The following TNFRSF10B variants were observed in gnomAD, a reference collection of about 807,000 sequenced individuals.
TNFRSF10B encodes the protein TNF receptor superfamily member 10b.
Under a neutral mutation model 41.4 loss-of-function variants are expected in TNFRSF10B, and 35 were observed. That is an observed-to-expected ratio of 0.85 (90% CI 0.65 to 1.12). The LOEUF (loss-of-function observed/expected upper bound fraction) is 1.12, where lower values mean the gene tolerates loss of function less well. Ranked by LOEUF, TNFRSF10B falls within the 50% of genes most tolerant of loss-of-function variation. The probability of loss-of-function intolerance (pLI) is 0.00; values close to 1 mark genes in which losing one functional copy is unlikely to be tolerated. For synonymous variants in TNFRSF10B, 230 were observed against 215.5 expected (o/e 1.07, Z -0.59); for missense variants, 584 against 552.7 (o/e 1.06, Z -0.57).
chr8:23,065,171 G>A (rs917023050), intron 1 of TNFRSF10B, among the ~76,000 whole-genome samples: 4 of 152,118 alleles, frequency 2.6e-5, no homozygotes, highest in African/African-American at 9.7e-5. Context: ...CCCCAACCCA[G>A]GCACAGATTT....
chr8:23,027,890 G>C (rs1013374013), intron 5 of TNFRSF10B, 137 bp from the exon 6 acceptor site: 1 of 996,530 alleles, frequency 1.0e-6, no homozygotes, highest in Non-Finnish European at 1.5e-6. Flanking sequence ...ACAGAATGGG[G>C]CCTTACAACT....
At chr8:23,035,082 C>A (rs1811992105) in intron 2 of TNFRSF10B, among the ~76,000 whole-genome samples, 1 of 152,214 alleles carries the variant, frequency 6.6e-6, no homozygotes. Flanking sequence ...AATATACCCT[C>A]ACTATCCTGT....
At chr8:23,062,860 AAAT>A (rs1223356700) in intron 1 of TNFRSF10B, among the ~76,000 whole-genome samples, 2 of 152,246 alleles carry the variant, frequency 1.3e-5, no homozygotes, top group African/African-American at 4.8e-5. Flanking sequence ...AGGAGACTTG[AAAT>A]AATACAGATT....
At chr8:23,060,898 A>G (rs1029634434) in intron 1 of TNFRSF10B, among the ~76,000 whole-genome samples, 2 of 151,874 alleles carry the variant, frequency 1.3e-5, no homozygotes, top group Admixed American at 6.6e-5. Flanking sequence ...TTGTAAATGG[A>G]TTTTTTCCTA....
At position 23,068,909 on chromosome 8, in the gene TNFRSF10B, C is replaced by T. The variant is rs1353463783; in HGVS notation, c.-15G>A. On this transcript the variant is annotated 5_prime_UTR_variant, in exon 1 of 9. Transcript: ENST00000276431. ...CGTTGTTCCATGGCGGTAGGGAACG[C>T]TCTTATAGTCTCTCAGGCCCGTGGG... 1.9e-6 allele frequency: 3 copies of T among 1,613,326 alleles called. No homozygotes were observed. Among genetic ancestry groups the T allele is most frequent in the South Asian group, 2.2e-5 (2 of 91,088 alleles).
Position 23,055,381 on chromosome 8 carries a change from TGATA to T in TNFRSF10B, c.145-12142_145-12139del, listed in dbSNP as rs143471724. Reference sequence around the variant, plus strand: ...ACACCCCATCTCCCTACGATTCTCATGATAAATAAATACACAAGCATGATAGAAA... The same window carrying T: ...ACACCCCATCTCCCTACGATTCTCATAATAAATACACAAGCATGATAGAAA... On this transcript the variant is annotated intron_variant, in intron 1 of 8. Transcript: ENST00000276431. 5.7e-3 allele frequency among the ~76,000 whole-genome samples: 864 copies of T among 152,206 alleles called. 6 individuals carry two copies. The highest frequency in any genetic ancestry group is 0.018 in the African/African-American group (740 of 41,524).
rs778266094 is a variant in TNFRSF10B at position 23,022,713 on chromosome 8, C to G, written c.1281G>C (p.Lys427Asn). Reference sequence around the variant, plus strand: ...CTGCATTACCTTCTAGATACATGAACTTTCCAGAGCTCAACAAGTGGTCCT... The same window carrying G: ...CTGCATTACCTTCTAGATACATGAAGTTTCCAGAGCTCAACAAGTGGTCCT... ...KIEDHLLSSG[K>N]FMYLEGNADS... Residue 427 changes from lysine (K) to asparagine (N), a missense_variant, in exon 9 of 9, where the codon AAG becomes AAC. Coordinates refer to ENST00000276431, the MANE Select transcript of TNFRSF10B (RefSeq NM_003842.5). The G allele has an allele frequency of 1.2e-6, 2 of 1,614,066 alleles. No individual in the cohort carries two copies.
chr8:23,063,304 C>A (rs548351092), intron 1 of TNFRSF10B, among the ~76,000 whole-genome samples: 1 of 150,472 alleles, frequency 6.6e-6, no homozygotes, highest in African/African-American at 2.4e-5. Flanking sequence ...GCCGAGATTG[C>A]GCCATTGCAC....
chr8:23,061,895 C>A (rs961323419), intron 1 of TNFRSF10B, among the ~76,000 whole-genome samples: 7 of 152,182 alleles, frequency 4.6e-5, no homozygotes, highest in Non-Finnish European at 8.8e-5. Flanking sequence ...CCAACTTGGT[C>A]ATGGTGTATA....
chr8:23,025,878 C>T (rs1811688599), intron 7 of TNFRSF10B, among the ~76,000 whole-genome samples: 1 of 152,138 alleles, frequency 6.6e-6, no homozygotes, highest in Non-Finnish European at 1.5e-5. Flanking sequence ...GAGTTCGAGA[C>T]CAGCCTAGGC....
chr8:23,021,811 A>C lies in TNFRSF10B; in HGVS notation c.*860T>G, dbSNP rs1563302787. 2 of 454,178 alleles carry C rather than the reference A, an allele frequency of 4.4e-6. No individual in the cohort carries two copies. Among genetic ancestry groups the C allele is most frequent in the Middle Eastern group, 6.9e-4 (1 of 1,444 alleles). 28.1% of individuals were successfully genotyped at this position (454,178 alleles called of 1,614,324 possible). Reference sequence around the variant, plus strand: ...TACATCTGAGGGAGGGCTGGAACCCAGACAGTGACATCTTACAGGGGACTT... The same window carrying C: ...TACATCTGAGGGAGGGCTGGAACCCCGACAGTGACATCTTACAGGGGACTT... On this transcript the variant is annotated 3_prime_UTR_variant, in exon 9 of 9. Coordinates refer to ENST00000276431, the MANE Select transcript of TNFRSF10B (RefSeq NM_003842.5).
intron 1 of TNFRSF10B, among the ~76,000 whole-genome samples, chr8:23,061,196 A>T (rs550817090): frequency 6.6e-6 from 1 of 152,312 alleles, no homozygotes; most frequent in South Asian, 2.1e-4. Flanking sequence ...TCAAGCAGCT[A>T]TAGAAAAATC....
chr8:23,025,873 C>T (rs1484942247), intron 7 of TNFRSF10B, among the ~76,000 whole-genome samples: 2 of 152,066 alleles, frequency 1.3e-5, no homozygotes, highest in Admixed American at 6.6e-5. Flanking sequence ...TTCAGGAGTT[C>T]GAGACCAGCC....
In TNFRSF10B at chr8:23,028,640, T is replaced by C. The variant is rs373371241; in HGVS notation, c.477-38A>G. ...ACAGAGGGAGAGGGGGGACTCTTGA[T>C]GGAAAGCTGGCCAGGTGGGATGAAA... On this transcript the variant is annotated intron_variant, in intron 4 of 8. Transcript: ENST00000276431. The C allele has an allele frequency of 1.6e-4, 263 of 1,613,208 alleles. No homozygotes were observed. In the Middle Eastern group the frequency reaches 1.9e-3, roughly 12 times the overall value.
At chr8:23,045,281 G>C (rs1405758773) in intron 1 of TNFRSF10B, among the ~76,000 whole-genome samples, 1 of 151,778 alleles carries the variant, frequency 6.6e-6, no homozygotes, top group African/African-American at 2.4e-5. Flanking sequence ...GAAATGCAAA[G>C]GATCATATGA....
chr8:23,042,412 G>T (rs908812131), intron 2 of TNFRSF10B, among the ~76,000 whole-genome samples: 2 of 152,184 alleles, frequency 1.3e-5, no homozygotes, highest in South Asian at 4.1e-4. Context: ...ACACATGGGG[G>T]AAAAGGGGGA....
intron 1 of TNFRSF10B, among the ~76,000 whole-genome samples, chr8:23,051,051 G>A (rs1812507987): frequency 1.3e-5 from 2 of 152,196 alleles, no homozygotes; most frequent in Non-Finnish European, 2.9e-5. Flanking sequence ...TCTGGCCTAG[G>A]CAGTAGAGGG....
chr8:23,026,071 G>A (rs988971397), intron 7 of TNFRSF10B, among the ~76,000 whole-genome samples: 4 of 151,626 alleles, frequency 2.6e-5, no homozygotes, highest in African/African-American at 9.7e-5. Context: ...GCAAGATCCT[G>A]TCTCAAAAAA....
chr8:23,024,342 G>A lies in TNFRSF10B; in HGVS notation c.937-82C>T, dbSNP rs778014887. Reference sequence around the variant, plus strand: ...CTGACCCCGACCACCAGCCAGCTCTGAGACCTGCAGCACGTCACTTCCAGA... The same window carrying A: ...CTGACCCCGACCACCAGCCAGCTCTAAGACCTGCAGCACGTCACTTCCAGA... On this transcript the variant is annotated intron_variant, in intron 7 of 8. Transcript: ENST00000276431. 523 of 1,438,888 alleles carry A rather than the reference G, an allele frequency of 3.6e-4. 2 individuals carry two copies. Among genetic ancestry groups the A allele is most frequent in the Non-Finnish European group, 5.0e-4 (509 of 1,023,244 alleles). 89.1% of individuals were successfully genotyped at this position (1,438,888 alleles called of 1,614,324 possible).
Sources: allele counts gnomAD v4.1 joint callset (sites outside exome capture counted in the v4.1 genomes callset), GRCh38; gene constraint gnomAD v4.1.1; transcripts MANE v1.5; gene names NCBI Gene and HGNC (gene_info 2026-07-23, HGNC 2026-07-21).